The following ZNF469 variants were observed in gnomAD, a reference collection of about 807,000 sequenced individuals.
ZNF469 encodes zinc finger protein 469.
Under a neutral mutation model 1.0 loss-of-function variants are expected in ZNF469, and 1 was observed. The ratio of observed to expected loss-of-function variants is 1.00; its 90% confidence interval spans 0.35 to 4.73. The LOEUF (loss-of-function observed/expected upper bound fraction) is 4.73, where lower values mean the gene tolerates loss of function less well. Ranked by LOEUF, ZNF469 falls within the 30% of genes most tolerant of loss-of-function variation. The pLI is 0.16. For synonymous variants in ZNF469, 2,703 were observed against 2,363.4 expected (o/e 1.14, Z -4.17); for missense variants, 6,100 against 5,356.3 (o/e 1.14, Z -4.33).
chr16:88,112,573 G>T, the ZNF469 span, among the ~76,000 whole-genome samples: 1 of 152,106 alleles, frequency 6.6e-6, no homozygotes, highest in Non-Finnish European at 1.5e-5. Context: ...TTGGCCATTT[G>T]TGTGTCTCCT....
Position 88,429,174 on chromosome 16 carries a change from C to T in ZNF469, c.1704C>T (p.Pro568=), listed in dbSNP as rs1486223018. The change falls in exon 3 of 3, where the codon CCC becomes CCT. Residue 568 remains proline, a synonymous_variant. Coordinates refer to ENST00000565624, the MANE Select transcript of ZNF469 (RefSeq NM_001367624.2). ...CCCTGTTCTTCGGGGTGGCCCAGCCCCAGGTTTCACCCCACGGGACACCCA... is the reference window on the plus strand; with the variant it reads ...CCCTGTTCTTCGGGGTGGCCCAGCCTCAGGTTTCACCCCACGGGACACCCA... The part of the protein sequence containing the change: ...AQPLFFGVAQ[P]QVSPHGTPSL... 9.0e-6 allele frequency: 14 copies of T among 1,549,796 alleles called. No homozygotes were observed. The highest frequency in any genetic ancestry group is 1.2e-5 in the Non-Finnish European group (14 of 1,146,864).
At chr16:88,223,791 G>C in the ZNF469 span, among the ~76,000 whole-genome samples, 32 of 152,184 alleles carry the variant, frequency 2.1e-4, no homozygotes. Flanking sequence ...TCAATTTGTG[G>C]TTATTTGACT....
At chr16:88,334,068 C>CTGTGTG in the ZNF469 span, among the ~76,000 whole-genome samples, 1 of 148,402 alleles carries the variant, frequency 6.7e-6, no homozygotes, top group Non-Finnish European at 1.5e-5. Flanking sequence ...CTGTGTGTGT[C>CTGTGTG]TGTGTGTGTG....
At chr16:88,405,472 G>A (rs906878930) in intron 1 of ZNF469, among the ~76,000 whole-genome samples, 3 of 152,162 alleles carry the variant, frequency 2.0e-5, no homozygotes, top group East Asian at 1.9e-4. Flanking sequence ...TTTCCCCAGC[G>A]TGCCCTGTGG....
chr16:88,232,737 C>T, the ZNF469 span, among the ~76,000 whole-genome samples: 1 of 152,208 alleles, frequency 6.6e-6, no homozygotes, highest in South Asian at 2.1e-4. Flanking sequence ...GGGGCTGGGT[C>T]GGGTCTGTTT....
At chr16:88,355,891 C>A in the ZNF469 span, among the ~76,000 whole-genome samples, 1 of 152,144 alleles carries the variant, frequency 6.6e-6, no homozygotes, top group East Asian at 1.9e-4. Flanking sequence ...TCGGCGGCCG[C>A]CTCTTGGGTC....
At chr16:88,122,571 C>G in the ZNF469 span, among the ~76,000 whole-genome samples, 1 of 151,844 alleles carries the variant, frequency 6.6e-6, no homozygotes, top group South Asian at 2.1e-4. Flanking sequence ...CTGTCACTCA[C>G]TACGGCCACG....
At chr16:88,186,429 T>C in the ZNF469 span, among the ~76,000 whole-genome samples, 1 of 152,120 alleles carries the variant, frequency 6.6e-6, no homozygotes, top group Non-Finnish European at 1.5e-5. Context: ...CCGGGGAGGC[T>C]GCGGCCCATC....
the ZNF469 span, among the ~76,000 whole-genome samples, chr16:88,181,997 C>T: frequency 9.9e-5 from 15 of 152,150 alleles, no homozygotes; most frequent in South Asian, 2.1e-4. Flanking sequence ...AAACAATCTA[C>T]CAGAAAATGT....
the ZNF469 span, among the ~76,000 whole-genome samples, chr16:88,300,495 G>A: frequency 2.6e-5 from 4 of 151,862 alleles, no homozygotes; most frequent in African/African-American, 7.3e-5. Flanking sequence ...CGCCATGCTC[G>A]GTGCTGCCAT....
Position 88,428,152 on chromosome 16 carries a change from C to T in ZNF469, c.682C>T (p.Gln228Ter). ...PLQPGSYPEY[Q>*]ASGADSWPPA... ...CCAGCCCGGTTCCTATCCCGAATAC[C>T]AGGCCAGTGGGGCCGACTCCTGGCC... is the stretch of plus-strand genomic sequence containing the variant. Residue 228 changes from glutamine (Q) to a stop codon, truncating the protein, a stop_gained, in exon 3 of 3, where the codon CAG becomes TAG. Transcript: ENST00000565624. LOFTEE classifies it low-confidence loss of function (END_TRUNC). The T allele has an allele frequency of 1.9e-6, 3 of 1,550,198 alleles. No homozygotes were observed.
chr16:88,338,327 G>A, the ZNF469 span, among the ~76,000 whole-genome samples: 2 of 152,214 alleles, frequency 1.3e-5, no homozygotes, highest in Non-Finnish European at 2.9e-5. Context: ...CTCTGTGGTT[G>A]ATTAGCAATG....
chr16:88,228,856 T>C, the ZNF469 span, among the ~76,000 whole-genome samples: 1 of 152,114 alleles, frequency 6.6e-6, no homozygotes, highest in Non-Finnish European at 1.5e-5. Flanking sequence ...CACACACCAG[T>C]TTGGCCATGG....
rs543678278 is a variant in ZNF469 at position 88,436,096 on chromosome 16, C to A, written c.8626C>A (p.His2876Asn). Residue 2876 changes from histidine to asparagine, a missense_variant, in exon 3 of 3, where the codon CAT becomes AAT. Physicochemically the swap from His to Asn is moderately conservative, Grantham distance 68. Coordinates refer to ENST00000565624, the MANE Select transcript of ZNF469 (RefSeq NM_001367624.2). ...GGRLTRKRNP[H>N]VYGKRCEKPV... ...TCGCTTGACTAGAAAGAGGAACCCG[C>A]ATGTCTACGGGAAGCGCTGTGAGAA... 3.2e-6 allele frequency: 5 copies of A among 1,549,682 alleles called. No individual in the cohort carries two copies. The highest frequency in any genetic ancestry group is 2.7e-5 in the African/African-American group (2 of 73,056).
chr16:88,163,662 G>A, the ZNF469 span, among the ~76,000 whole-genome samples: 3 of 150,388 alleles, frequency 2.0e-5, no homozygotes, highest in Non-Finnish European at 4.4e-5. Context: ...GGATAGTTGG[G>A]TAGATGGGTG....
the ZNF469 span, among the ~76,000 whole-genome samples, chr16:88,156,381 C>G: frequency 6.6e-6 from 1 of 152,168 alleles, no homozygotes; most frequent in Non-Finnish European, 1.5e-5. Flanking sequence ...TACATTTACC[C>G]TTGATCTACT....
At chr16:88,264,845 C>T in the ZNF469 span, among the ~76,000 whole-genome samples, 6 of 152,190 alleles carry the variant, frequency 3.9e-5, no homozygotes, top group Non-Finnish European at 8.8e-5. Flanking sequence ...ACAGGCGGTA[C>T]TGCTCAGATG....
chr16:88,109,647 GTC>G, the ZNF469 span, among the ~76,000 whole-genome samples: 1 of 140,854 alleles, frequency 7.1e-6, no homozygotes, highest in Admixed American at 7.3e-5. Flanking sequence ...GGTGCTGAGC[GTC>G]TGTGTCCACG....
rs1277771291 is a variant in ZNF469 at position 88,437,247 on chromosome 16, G to A, written c.9777G>A (p.Glu3259=). 6.5e-7 allele frequency: 1 copy of A among 1,548,974 alleles called. No homozygotes were observed. The highest frequency in any genetic ancestry group is 1.4e-5 in the African/African-American group (1 of 73,012). ...GCCCGGGAGACCCGTGGGGGCAAGA[G>A]GGAGAAGCCAAGAAAGACAGCCCGG... ...AGSPGDPWGQ[E]GEAKKDSPGE... Residue 3259 remains glutamate (E), a synonymous_variant, in exon 3 of 3, where the codon GAG becomes GAA. Coordinates refer to ENST00000565624, the MANE Select transcript of ZNF469 (RefSeq NM_001367624.2).
Sources: allele counts gnomAD v4.1 joint callset (sites outside exome capture counted in the v4.1 genomes callset), GRCh38; gene constraint gnomAD v4.1.1; transcripts MANE v1.5; gene names NCBI Gene and HGNC (gene_info 2026-07-23, HGNC 2026-07-21).